The following SLC25A28 variants were observed in gnomAD, a reference collection of about 807,000 sequenced individuals.
The protein encoded by SLC25A28 is solute carrier family 25 member 28.
Under a neutral mutation model 31.9 loss-of-function variants are expected in SLC25A28, and 10 were observed. The observed-to-expected ratio is 0.31, with a 90% CI of 0.19 to 0.53. The LOEUF (loss-of-function observed/expected upper bound fraction) is 0.53. Among genes scored for constraint, SLC25A28 ranks in the 20% least tolerant of loss-of-function variants. The pLI, the probability that SLC25A28 is intolerant of heterozygous loss-of-function variation, is 0.95. For synonymous variants in SLC25A28, 208 were observed against 203.6 expected, an observed-to-expected ratio of 1.02 and a Z score of -0.19; for missense variants, 256 against 490.3, an observed-to-expected ratio of 0.52 and a Z score of 4.51.
chr10:99,635,378 G>A, the SLC25A28 span, among the ~76,000 whole-genome samples: 2 of 152,082 alleles, frequency 1.3e-5, no homozygotes, highest in African/African-American at 4.8e-5. Context: ...CAGAGCTGCC[G>A]AATGGATAAG....
chr10:99,657,020 G>A, the SLC25A28 span, among the ~76,000 whole-genome samples: 6 of 152,262 alleles, frequency 3.9e-5, no homozygotes, highest in East Asian at 1.2e-3. Flanking sequence ...GACAAAGAAA[G>A]TTTTACAAAG....
the SLC25A28 span, among the ~76,000 whole-genome samples, chr10:99,627,267 T>A: frequency 0.44 from 66,644 of 151,922 alleles, 15,032 homozygotes; most frequent in Middle Eastern, 0.64. Context: ...AAGTCTTTTT[T>A]TGGATACATA....
chr10:99,617,047 T>C (rs2034674244), intron 1 of SLC25A28: 2 of 985,462 alleles, frequency 2.0e-6, no homozygotes, highest in Non-Finnish European at 2.4e-6. Flanking sequence ...TGGAGATTTA[T>C]CTCCCTCTGC....
Position 99,612,610 on chromosome 10 carries a change from G to A in SLC25A28, c.521-11C>T. 6.2e-7 allele frequency: 1 copy of A among 1,614,114 alleles called. No individual in the cohort carries two copies. The highest frequency in any genetic ancestry group is 8.5e-7 in the Non-Finnish European group (1 of 1,180,026). The stretch of plus-strand genomic sequence containing the variant: ...CACACCCGGCCGCACCTGCAAACAA[G>A]AAAACAACTGCCACATGTAAGGCCA... On this transcript the variant is annotated splice_polypyrimidine_tract_variant and intron_variant, in intron 2 of 3. Transcript: ENST00000370495.
At chr10:99,628,116 T>C in the SLC25A28 span, among the ~76,000 whole-genome samples, 4 of 152,212 alleles carry the variant, frequency 2.6e-5, no homozygotes, top group African/African-American at 9.6e-5. Context: ...AGAGCCTTAT[T>C]TCATTTAAGT....
the SLC25A28 span, among the ~76,000 whole-genome samples, chr10:99,635,452 C>T: frequency 2.7e-4 from 41 of 152,168 alleles, no homozygotes; most frequent in African/African-American, 6.0e-4. Flanking sequence ...GAGGCCGAGG[C>T]GGGTGGATCA....
chr10:99,640,297 C>T, the SLC25A28 span, among the ~76,000 whole-genome samples: 2 of 152,288 alleles, frequency 1.3e-5, no homozygotes, highest in South Asian at 4.1e-4. Flanking sequence ...ATAGAGAATG[C>T]ACTTCCACAG....
At chr10:99,625,016 C>T (rs375797133), upstream of SLC25A28, among the ~76,000 whole-genome samples, 1 of 151,556 alleles carries the variant, frequency 6.6e-6, no homozygotes, top group Non-Finnish European at 1.5e-5. Flanking sequence ...CGCGGACACT[C>T]GCGGTGAGTG....
At chr10:99,614,061 T>C (rs970630899) in intron 1 of SLC25A28, 137 bp from the exon 2 acceptor site, 1 of 1,063,910 alleles carries the variant, frequency 9.4e-7, no homozygotes, top group African/African-American at 1.6e-5. Context: ...ATTTCCAATC[T>C]ATAGCTGATC....
chr10:99,616,903 T>C (rs2034669289), intron 1 of SLC25A28: 2 of 944,010 alleles, frequency 2.1e-6, no homozygotes, highest in Non-Finnish European at 2.5e-6. Flanking sequence ...GTATGTAAGG[T>C]ACTTCAGATA....
chr10:99,620,279 G>A lies in SLC25A28; in HGVS notation c.57C>T (p.Pro19=), dbSNP rs1176033122. 1.1e-5 allele frequency: 12 copies of A among 1,140,724 alleles called. No homozygotes were observed. The highest frequency in any genetic ancestry group is 1.3e-5 in the Non-Finnish European group (12 of 944,408). 70.7% of individuals were successfully genotyped at this position (1,140,724 alleles called of 1,614,324 possible). ...GCGCCGACTCCCCGGGGCTCCGCCCGGGCCCTGCCGCCGGCCCCCCCGCCA... is the reference window on the plus strand; with the variant it reads ...GCGCCGACTCCCCGGGGCTCCGCCCAGGCCCTGCCGCCGGCCCCCCCGCCA... The part of the protein sequence containing the change: ...GGVAGGPAAG[P]GRSPGESALL... Residue 19 remains proline (P), a synonymous_variant, in exon 1 of 4, where the codon CCC becomes CCT. Transcript: ENST00000370495.
At chr10:99,625,211 T>C (rs2034863052), upstream of SLC25A28, among the ~76,000 whole-genome samples, 1 of 152,064 alleles carries the variant, frequency 6.6e-6, no homozygotes, top group African/African-American at 2.4e-5. Flanking sequence ...CAGCAAGATT[T>C]ATTCTGAAGA....
Position 99,613,968 on chromosome 10 carries a change from T to C in SLC25A28, c.292-44A>G. 6.5e-7 allele frequency: 1 copy of C among 1,527,718 alleles called. No individual in the cohort carries two copies. Among genetic ancestry groups the C allele is most frequent in the South Asian group, 1.3e-5 (1 of 78,488 alleles). The allele number at this position is 1,527,718 out of a possible 1,614,324, so 94.6% of individuals were successfully genotyped here. A position where few individuals can be genotyped will look rare whatever the true frequency, so the allele number is the denominator to read the frequency against. On this transcript the variant is annotated intron_variant, in intron 1 of 3. Transcript: ENST00000370495. The surrounding 1 kb of genome is among the most constrained non-coding windows in gnomAD (Gnocchi z 4.9). ...GAAGCGCAATGTCAGCAATGCCAACTTCTCGCCCCACCTCAACACACTGGG... is the reference window on the plus strand; with the variant it reads ...GAAGCGCAATGTCAGCAATGCCAACCTCTCGCCCCACCTCAACACACTGGG...
the SLC25A28 span, among the ~76,000 whole-genome samples, chr10:99,659,198 C>T: frequency 6.6e-6 from 1 of 152,248 alleles, no homozygotes; most frequent in Non-Finnish European, 1.5e-5. The surrounding 1 kb of genome is among the most constrained non-coding windows in gnomAD (Gnocchi z 4.1). Context: ...GCCGAGAGTT[C>T]GCGCCCCAGG....
At chr10:99,615,072 C>T (rs2034614940) in intron 1 of SLC25A28, among the ~76,000 whole-genome samples, 1 of 152,106 alleles carries the variant, frequency 6.6e-6, no homozygotes, top group African/African-American at 2.4e-5. Flanking sequence ...CTTGAACCTT[C>T]GGCCAGGCAC....
chr10:99,624,541 T>C (rs1233329200), upstream of SLC25A28, among the ~76,000 whole-genome samples: 1 of 152,106 alleles, frequency 6.6e-6, no homozygotes, highest in African/African-American at 2.4e-5. Flanking sequence ...TAAAAAATTA[T>C]AAAAGTAAGC....
intron 1 of SLC25A28, chr10:99,617,605 C>T (rs780473630): frequency 1.2e-5 from 12 of 985,282 alleles, no homozygotes; most frequent in African/African-American, 1.0e-4. Flanking sequence ...TACTTTCATG[C>T]CTGCACAAAA....
intron 1 of SLC25A28, chr10:99,618,174 T>C: frequency 1.3e-6 from 1 of 776,260 alleles, no homozygotes; most frequent in African/African-American, 1.9e-5. Context: ...CACCCAAATA[T>C]TCTAGAAGCA....
At chr10:99,642,075 TTAAAG>T in the SLC25A28 span, among the ~76,000 whole-genome samples, 1 of 151,924 alleles carries the variant, frequency 6.6e-6, no homozygotes, top group African/African-American at 2.4e-5. Flanking sequence ...CATATGAACT[TTAAAG>T]TAGTTTTTTC....
Sources: allele counts gnomAD v4.1 joint callset (sites outside exome capture counted in the v4.1 genomes callset), GRCh38; gene constraint gnomAD v4.1.1; non-coding constraint Gnocchi (gnomAD v3.1); transcripts MANE v1.5; gene names NCBI Gene and HGNC (gene_info 2026-07-23, HGNC 2026-07-21).